Variants in CSMD1 observed in about 807,000 individuals in gnomAD.
CSMD1 encodes the protein CUB and Sushi multiple domains 1, also known as CUB and sushi domain-containing protein 1.
A neutral mutation model predicts 417.5 loss-of-function variants in CSMD1; 213 were observed. The ratio of observed to expected loss-of-function variants is 0.51; its 90% CI spans 0.46 to 0.57. The LOEUF is 0.57. Ranked by LOEUF, CSMD1 falls within the 20% of genes least tolerant of loss-of-function variation. CSMD1 has a pLI of 0.00. For synonymous variants in CSMD1, 2,862 were observed against 1,736.8 expected (o/e 1.65, Z -16.11); for missense variants, 6,923 against 4,529.7 (o/e 1.53, Z -15.17).
At chr8:3,747,496 T>A (rs543340178) in intron 6 of CSMD1, among the ~76,000 whole-genome samples, 156 of 68,664 alleles carry the variant, frequency 2.3e-3, no homozygotes, top group African/African-American at 6.7e-3. Context: ...ATCATACGTT[T>A]GTTTTTTTTC....
chr8:4,522,224 C>A (rs1219234394), intron 2 of CSMD1, among the ~76,000 whole-genome samples: 11 of 152,074 alleles, frequency 7.2e-5, no homozygotes, highest in Non-Finnish European at 2.9e-5. Flanking sequence ...GTTCTCTGCA[C>A]AAATTCTCTC....
At chr8:3,558,721 G>C (rs28391385) in intron 10 of CSMD1, among the ~76,000 whole-genome samples, 1 of 138,568 alleles carries the variant, frequency 7.2e-6, no homozygotes, top group African/African-American at 2.7e-5. Flanking sequence ...TAGTGCTTCA[G>C]TAGTACCCCG....
chr8:4,874,413 G>A (rs1367373262), intron 1 of CSMD1, among the ~76,000 whole-genome samples: 7 of 125,576 alleles, frequency 5.6e-5, no homozygotes, highest in East Asian at 4.8e-4. Flanking sequence ...TTTCTGAGAC[G>A]GAGTCTTGCT....
intron 1 of CSMD1, among the ~76,000 whole-genome samples, chr8:4,811,165 C>A (rs950075174): frequency 6.6e-6 from 1 of 152,116 alleles, no homozygotes; most frequent in Non-Finnish European, 1.5e-5. Context: ...TGGCATCAAC[C>A]ATCACTGCTT....
chr8:4,021,938 C>G (rs541649883), intron 4 of CSMD1, among the ~76,000 whole-genome samples: 1 of 151,916 alleles, frequency 6.6e-6, no homozygotes, highest in Non-Finnish European at 1.5e-5. Context: ...CTCTTTTGAT[C>G]TTTATTTTTT....
intron 3 of CSMD1, among the ~76,000 whole-genome samples, chr8:4,088,598 T>G (rs1044729670): frequency 1.3e-5 from 2 of 151,946 alleles, no homozygotes; most frequent in African/African-American, 4.8e-5. Flanking sequence ...CCACATGTAT[T>G]CTCTCTCTCT....
chr8:4,097,618 G>A (rs928050151), intron 3 of CSMD1, among the ~76,000 whole-genome samples: 1 of 152,160 alleles, frequency 6.6e-6, no homozygotes. Flanking sequence ...TTGGAGATAA[G>A]CTATCTGCAA....
chr8:4,464,634 C>A lies in CSMD1; in HGVS notation c.303-44569G>T, dbSNP rs377077695. ...CGCTATTGTAAAAGGGTAAGAGTCC[C>A]AAGTTGAACCATGGTAAGTCAGGGG... On this transcript the variant is annotated intron_variant, in intron 2 of 69. Coordinates refer to ENST00000635120, the MANE Select transcript of CSMD1 (RefSeq NM_033225.6). 5.9e-5 allele frequency among the ~76,000 whole-genome samples: 9 copies of A among 152,150 alleles called. No individual in the cohort carries two copies. The East Asian group carries it at 1.5e-3, about 26-fold the overall frequency.
At position 4,051,323 on chromosome 8, in the gene CSMD1, G is replaced by C. The variant is rs76540744; in HGVS notation, c.416-19224C>G. On this transcript the variant is annotated intron_variant, in intron 3 of 69. Coordinates refer to ENST00000635120, the MANE Select transcript of CSMD1 (RefSeq NM_033225.6). ...TTTGAAGACTCAAAAAAAAAAAAAA[G>C]ATATGTACAAGTAAAGCCAGACTCG... 1.5e-4 allele frequency among the ~76,000 whole-genome samples: 19 copies of C among 124,304 alleles called. No individual in the cohort carries two copies. The East Asian group carries it at 3.3e-3, about 21-fold the overall frequency. The allele number at this position is 124,304 out of a possible 152,430, so 81.5% of individuals were successfully genotyped here.
At position 3,167,952 on chromosome 8, in the gene CSMD1, C is replaced by A. The variant is rs149212170; in HGVS notation, c.5726-5675G>T. On this transcript the variant is annotated intron_variant, in intron 37 of 69. Transcript: ENST00000635120. The stretch of plus-strand genomic sequence containing the variant: ...TTTTAATCAAATACTTAAAACAGGA[C>A]AAATGGGACTTTTGTAGATATTATG... Among the ~76,000 whole-genome samples the A allele has an allele frequency of 3.6e-3, 551 of 151,154 alleles. 4 individuals are homozygous for A. Among genetic ancestry groups the A allele is most frequent in the East Asian group, 0.026 (132 of 5,150 alleles).
At chr8:4,397,552 T>TTTTTA (rs1804332152) in intron 3 of CSMD1, among the ~76,000 whole-genome samples, 1 of 122,534 alleles carries the variant, frequency 8.2e-6, no homozygotes, top group African/African-American at 3.1e-5. Flanking sequence ...TTTTTTTTTT[T>TTTTTA]GAGACGGAAT....
At chr8:3,981,722 G>A (rs927472709) in intron 5 of CSMD1, among the ~76,000 whole-genome samples, 3 of 152,010 alleles carry the variant, frequency 2.0e-5, no homozygotes, top group Non-Finnish European at 4.4e-5. Flanking sequence ...GATTTCTTCA[G>A]TCCTACATTT....
At chr8:4,042,910 G>C (rs566658200) in intron 3 of CSMD1, among the ~76,000 whole-genome samples, 138 of 149,412 alleles carry the variant, frequency 9.2e-4, no homozygotes, top group African/African-American at 3.2e-3. Context: ...GGAAGATTAT[G>C]AGTTCAGGAG....
intron 3 of CSMD1, among the ~76,000 whole-genome samples, chr8:4,241,811 C>G: frequency 6.6e-6 from 1 of 151,700 alleles, no homozygotes; most frequent in Non-Finnish European, 1.5e-5. Flanking sequence ...CCTGGGTTCA[C>G]GCCATTCTCC....
chr8:3,180,108 G>A (rs187956541), intron 37 of CSMD1, among the ~76,000 whole-genome samples: 5 of 152,264 alleles, frequency 3.3e-5, no homozygotes, highest in African/African-American at 1.2e-4. Flanking sequence ...GAATATCAAC[G>A]TTAAACATTT....
chr8:3,744,312 G>A (rs66954662), intron 6 of CSMD1, among the ~76,000 whole-genome samples: 23,613 of 152,126 alleles, frequency 0.16, 1,853 homozygotes, highest in Admixed American at 0.18. Context: ...AGCACGGAGA[G>A]CATCTACTCT....
chr8:3,026,493 G>A (rs142079209), intron 51 of CSMD1, among the ~76,000 whole-genome samples: 94 of 151,668 alleles, frequency 6.2e-4, no homozygotes, highest in African/African-American at 2.2e-3. Flanking sequence ...GGCTTGACTG[G>A]GCCTCACTGG....
intron 3 of CSMD1, among the ~76,000 whole-genome samples, chr8:4,160,564 T>C (rs987225821): frequency 2.6e-5 from 4 of 152,192 alleles, no homozygotes; most frequent in African/African-American, 9.7e-5. Flanking sequence ...AATATCCACG[T>C]TTCTCATCTT....
intron 5 of CSMD1, among the ~76,000 whole-genome samples, chr8:3,905,556 G>A (rs184640770): frequency 1.3e-5 from 2 of 152,196 alleles, no homozygotes; most frequent in African/African-American, 2.4e-5. Context: ...ATCTCACTGG[G>A]AGGGCTTGTG....
Sources: allele counts gnomAD v4.1 joint callset (sites outside exome capture counted in the v4.1 genomes callset), GRCh38; gene constraint gnomAD v4.1.1; transcripts MANE v1.5; gene names NCBI Gene and HGNC (gene_info 2026-07-23, HGNC 2026-07-21).